The following CACNA1C variants were observed in gnomAD, a reference collection of about 807,000 sequenced individuals.
The protein encoded by CACNA1C is calcium voltage-gated channel subunit alpha1 C.
In CACNA1C, 30 loss-of-function variants were observed where a neutral mutation model predicts 229.0. That is an observed-to-expected ratio of 0.13 (90% CI 0.10 to 0.18). CACNA1C has a LOEUF of 0.18. Among genes scored for constraint, CACNA1C ranks in the 10% least tolerant of loss-of-function variants. CACNA1C has a pLI of 1.00. For missense variants in CACNA1C, 1,658 were observed against 2,845.0 expected (o/e 0.58, Z 9.49); for synonymous variants, 1,114 against 1,132.5 (o/e 0.98, Z 0.33).
At chr12:2,542,122 T>C (rs7314373) in intron 9 of CACNA1C, among the ~76,000 whole-genome samples, 24,270 of 152,078 alleles carry the variant, frequency 0.16, 2,127 homozygotes, top group African/African-American at 0.23. Context: ...GATTTATTGC[T>C]GTCACCTTAG....
intron 3 of CACNA1C, among the ~76,000 whole-genome samples, chr12:2,280,202 TCTTG>T: frequency 7.8e-6 from 1 of 128,522 alleles, no homozygotes; most frequent in Non-Finnish European, 1.7e-5. Context: ...CGGTTTAACC[TCTTG>T]AGACCTTGCT....
chr12:2,043,642 CTT>C (rs67625680), intron 1 of CACNA1C, among the ~76,000 whole-genome samples: 2,929 of 91,176 alleles, frequency 0.032, 33 homozygotes, highest in African/African-American at 0.094. Context: ...ACAGAATATT[CTT>C]TTTTTTTTTT....
intron 1 of CACNA1C, among the ~76,000 whole-genome samples, chr12:2,074,335 C>A (rs2062404589): frequency 6.6e-6 from 1 of 152,012 alleles, no homozygotes; most frequent in Non-Finnish European, 1.5e-5. Context: ...TTTACTGCAC[C>A]TTCATTCTAA....
chr12:2,449,271 G>GAACA (rs1252175044), intron 4 of CACNA1C, among the ~76,000 whole-genome samples, 156 bp downstream of exon 4: 1 of 152,206 alleles, frequency 6.6e-6, no homozygotes, highest in Non-Finnish European at 1.5e-5. Context: ...TTGCTAAAAG[G>GAACA]AACAGAAAGG....
Position 2,585,177 on chromosome 12 carries a change from G to A in CACNA1C, c.2340-199G>A, listed in dbSNP as rs1269607136. On this transcript the variant is annotated intron_variant, in intron 16 of 46. Transcript: ENST00000399655. This position sits in a 1 kb window ranked among gnomAD's most constrained non-coding sequence, Gnocchi z 4.1. The stretch of plus-strand genomic sequence containing the variant: ...CTGCAAGAGGCCAATTGCGTGTCAG[G>A]CAGAGCAGGTGTAGCTCAGCCCCAT... 6.6e-6 allele frequency among the ~76,000 whole-genome samples: 1 copy of A among 152,290 alleles called. No homozygotes were observed. The highest frequency in any genetic ancestry group is 1.9e-4 in the East Asian group (1 of 5,170).
At chr12:2,309,297 A>T (rs568106594) in intron 3 of CACNA1C, among the ~76,000 whole-genome samples, 9 of 152,334 alleles carry the variant, frequency 5.9e-5, no homozygotes, top group African/African-American at 2.2e-4. Context: ...AGCCCAACTC[A>T]TAGAAGCAGA....
chr12:2,333,635 T>G (rs2096613588), intron 3 of CACNA1C, among the ~76,000 whole-genome samples: 1 of 152,090 alleles, frequency 6.6e-6, no homozygotes, highest in East Asian at 1.9e-4. Flanking sequence ...CTCCGTCACC[T>G]CACAAGGCGT....
rs1685331270 is a variant in CACNA1C at position 2,512,041 on chromosome 12, C to T, written c.1218-771C>T. Among the ~76,000 whole-genome samples, 1 of 152,282 alleles carries T rather than the reference C, an allele frequency of 6.6e-6. No individual in the cohort carries two copies. The highest frequency in any genetic ancestry group is 1.5e-5 in the Non-Finnish European group (1 of 68,022). On this transcript the variant is annotated intron_variant, in intron 8 of 46. Coordinates refer to ENST00000399655, the MANE Select transcript of CACNA1C (RefSeq NM_000719.7). The surrounding 1 kb of genome is among the most constrained non-coding windows in gnomAD (Gnocchi z 4.3). ...TCATTTGTCTTCATGTGGGAGAGAA[C>T]CTTCTCTAGATTAGAAATCCTTCCA...
intron 3 of CACNA1C, among the ~76,000 whole-genome samples, chr12:2,203,889 G>A (rs1051921959): frequency 6.6e-6 from 1 of 152,202 alleles, no homozygotes; most frequent in East Asian, 1.9e-4. Context: ...AAATCTCAGG[G>A]CCCAGGTCCC....
At chr12:2,166,651 G>T (rs1001035236) in intron 3 of CACNA1C, among the ~76,000 whole-genome samples, 2 of 152,228 alleles carry the variant, frequency 1.3e-5, no homozygotes, top group African/African-American at 4.8e-5. Context: ...CCCTCATAGC[G>T]TTGTTAGGAG....
At chr12:1,999,920 T>C (rs2041802927) in intron 1 of CACNA1C, among the ~76,000 whole-genome samples, 1 of 152,140 alleles carries the variant, frequency 6.6e-6, no homozygotes, top group African/African-American at 2.4e-5. Context: ...TTGAAAAATA[T>C]CCAAGTCAAA....
Position 2,674,737 on chromosome 12 carries a change from A to T in CACNA1C, c.4828+95A>T, listed in dbSNP as rs1037965491. 7.5e-6 allele frequency: 9 copies of T among 1,197,484 alleles called. No individual in the cohort carries two copies. In the Admixed American group the frequency reaches 2.0e-4, roughly 27 times the overall value. The allele number at this position is 1,197,484 out of a possible 1,614,324, so 74.2% of individuals were successfully genotyped here. A position where few individuals can be genotyped will look rare whatever the true frequency, so the allele number is the denominator to read the frequency against. On this transcript the variant is annotated intron_variant, in intron 39 of 46. Transcript: ENST00000399655. ...CAGCTGTGGCACCCTTAGAATGCGG[A>T]AGCATCCCCTGAGACTTGCTTCTTG... is the stretch of plus-strand genomic sequence containing the variant.
At chr12:2,550,121 C>T (rs1340820011) in intron 10 of CACNA1C, 88 bp downstream of exon 10, 14 of 935,976 alleles carry the variant, frequency 1.5e-5, no homozygotes, top group Non-Finnish European at 2.2e-5. Context: ...TGGGCTGGCT[C>T]ATCACTAGGA....
chr12:2,130,193 CTTTTTTTTT>C (rs35630466), intron 3 of CACNA1C, among the ~76,000 whole-genome samples: 2 of 114,146 alleles, frequency 1.8e-5, no homozygotes, highest in Non-Finnish European at 3.6e-5. Context: ...TGAGACCTTT[CTTTTTTTTT>C]TTTTTTTTTT....
intron 3 of CACNA1C, among the ~76,000 whole-genome samples, chr12:2,124,532 G>C (rs1814730667): frequency 6.6e-6 from 1 of 152,214 alleles, no homozygotes; most frequent in African/African-American, 2.4e-5. Flanking sequence ...TGCAGGTGAG[G>C]AGGAGGCTCG....
chr12:2,528,993 C>A (rs1251736363), intron 9 of CACNA1C, among the ~76,000 whole-genome samples: 1 of 152,158 alleles, frequency 6.6e-6, no homozygotes, highest in Non-Finnish European at 1.5e-5. Context: ...ACCCCAAGCT[C>A]TTGAAAAATG....
At chr12:2,669,396 C>T (rs2096427955) in intron 38 of CACNA1C, among the ~76,000 whole-genome samples, 1 of 152,134 alleles carries the variant, frequency 6.6e-6, no homozygotes, top group Non-Finnish European at 1.5e-5. Context: ...ATGTGTTGGG[C>T]CACATTCAAA....
At chr12:2,571,863 A>T (rs1441913030) in intron 13 of CACNA1C, among the ~76,000 whole-genome samples, 1 of 152,174 alleles carries the variant, frequency 6.6e-6, no homozygotes, top group Non-Finnish European at 1.5e-5. Context: ...ACCAAGAAAA[A>T]TGCCTAAAAT....
intron 1 of CACNA1C, among the ~76,000 whole-genome samples, chr12:2,089,886 G>A (rs1276517120): frequency 2.6e-5 from 4 of 151,932 alleles, no homozygotes; most frequent in South Asian, 4.2e-4. Flanking sequence ...AAAATTAGCC[G>A]GGCGTGGTGG....
Sources: allele counts gnomAD v4.1 joint callset (sites outside exome capture counted in the v4.1 genomes callset), GRCh38; gene constraint gnomAD v4.1.1; non-coding constraint Gnocchi (gnomAD v3.1); transcripts MANE v1.5; gene names NCBI Gene and HGNC (gene_info 2026-07-23, HGNC 2026-07-21).